CNTNAP2: variants seen among roughly 807,000 people sequenced by gnomAD.
The protein encoded by CNTNAP2 is contactin associated protein 2.
In CNTNAP2, 98 loss-of-function variants were observed where a neutral mutation model predicts 155.2. The ratio of observed to expected loss-of-function variants is 0.63; its 90% CI spans 0.54 to 0.75. CNTNAP2 has a LOEUF of 0.75. CNTNAP2 is among the 30% of genes least tolerant of loss of function. The probability of loss-of-function intolerance (pLI) is 0.00; values close to 1 mark genes in which losing one functional copy is unlikely to be tolerated. For missense variants in CNTNAP2, 1,727 were observed against 1,688.1 expected, an observed-to-expected ratio of 1.02 and a Z score of -0.40; for synonymous variants, 651 against 631.2, an observed-to-expected ratio of 1.03 and a Z score of -0.47.
intron 1 of CNTNAP2, among the ~76,000 whole-genome samples, chr7:146,152,450 T>A (rs969268487): frequency 7.9e-5 from 12 of 152,070 alleles, no homozygotes. Context: ...AGGGGTCTAT[T>A]GTACAACGTG....
At chr7:147,479,660 G>C (rs983591845) in intron 10 of CNTNAP2, among the ~76,000 whole-genome samples, 6 of 151,288 alleles carry the variant, frequency 4.0e-5, no homozygotes, top group Admixed American at 6.6e-5. Flanking sequence ...TTAAAAGGCA[G>C]AAAACCCAAG....
intron 22 of CNTNAP2, among the ~76,000 whole-genome samples, chr7:148,393,125 T>A (rs1799389631): frequency 6.6e-6 from 1 of 151,820 alleles, no homozygotes; most frequent in Admixed American, 6.6e-5. Context: ...ATTACATATA[T>A]CATCTATTCT....
chr7:146,909,993 A>T (rs1327222018), intron 3 of CNTNAP2, among the ~76,000 whole-genome samples: 1 of 65,480 alleles, frequency 1.5e-5, no homozygotes, highest in East Asian at 2.9e-4. Context: ...AATCACAAGC[A>T]TTCTTATACA....
intron 21 of CNTNAP2, among the ~76,000 whole-genome samples, chr7:148,326,696 C>A (rs1465831466): frequency 6.6e-6 from 1 of 151,806 alleles, no homozygotes; most frequent in Non-Finnish European, 1.5e-5. Context: ...GAAACCCCGT[C>A]TCTACTAAAA....
intron 13 of CNTNAP2, among the ~76,000 whole-genome samples, chr7:147,782,725 G>A (rs544301745): frequency 6.6e-6 from 1 of 152,218 alleles, no homozygotes; most frequent in Admixed American, 6.5e-5. Context: ...CAAAAATTTA[G>A]ACCACAGCAG....
At chr7:147,041,106 T>C (rs1799251678) in intron 3 of CNTNAP2, among the ~76,000 whole-genome samples, 2 of 152,224 alleles carry the variant, frequency 1.3e-5, no homozygotes, top group African/African-American at 2.4e-5. Flanking sequence ...ATGGCTTTTA[T>C]TGTTATTTCT....
intron 1 of CNTNAP2, among the ~76,000 whole-genome samples, chr7:146,339,083 G>C (rs1350602090): frequency 1.3e-5 from 2 of 152,116 alleles, no homozygotes; most frequent in Non-Finnish European, 2.9e-5. Context: ...TACTTGGGAG[G>C]CTGAGGCAGG....
At chr7:147,383,151 T>C (rs957815091) in intron 9 of CNTNAP2, among the ~76,000 whole-genome samples, 1 of 152,134 alleles carries the variant, frequency 6.6e-6, no homozygotes, top group African/African-American at 2.4e-5. Flanking sequence ...TCAGTTCTCT[T>C]ATCAGAAAGG....
At chr7:146,923,149 G>A (rs1460268664) in intron 3 of CNTNAP2, among the ~76,000 whole-genome samples, 1 of 152,100 alleles carries the variant, frequency 6.6e-6, no homozygotes, top group Non-Finnish European at 1.5e-5. Context: ...TGTGTTTTAG[G>A]AATAATAAAA....
At chr7:146,771,638 G>T (rs1039686060) in intron 1 of CNTNAP2, among the ~76,000 whole-genome samples, 1 of 152,062 alleles carries the variant, frequency 6.6e-6, no homozygotes, top group Non-Finnish European at 1.5e-5. Flanking sequence ...ACAGAGGCAC[G>T]CAGTATAACT....
chr7:147,773,056 A>T (rs1276961100), intron 13 of CNTNAP2, among the ~76,000 whole-genome samples: 1 of 152,204 alleles, frequency 6.6e-6, no homozygotes, highest in Non-Finnish European at 1.5e-5. Context: ...TAAGAAAGTT[A>T]TATCTTAATC....
At chr7:146,744,810 T>C (rs537403165) in intron 1 of CNTNAP2, among the ~76,000 whole-genome samples, 1 of 152,230 alleles carries the variant, frequency 6.6e-6, no homozygotes, top group Non-Finnish European at 1.5e-5. Flanking sequence ...ACAAGTATGA[T>C]TTTCCACAAA....
intron 1 of CNTNAP2, among the ~76,000 whole-genome samples, chr7:146,582,257 G>A (rs73468473): frequency 0.031 from 4,738 of 152,064 alleles, 246 homozygotes; most frequent in African/African-American, 0.11. Context: ...TGTTTTTGTC[G>A]TTTGCATGCA....
At chr7:146,726,162 G>A (rs1024725778) in intron 1 of CNTNAP2, among the ~76,000 whole-genome samples, 1 of 152,126 alleles carries the variant, frequency 6.6e-6, no homozygotes, top group Non-Finnish European at 1.5e-5. Context: ...TCTCTACAGT[G>A]TATCATTGGT....
chr7:148,128,165 G>A (rs530792528), intron 16 of CNTNAP2, among the ~76,000 whole-genome samples: 1 of 152,098 alleles, frequency 6.6e-6, no homozygotes, highest in African/African-American at 2.4e-5. Context: ...CACCATGCCG[G>A]GCCTCTGGAT....
chr7:146,953,068 A>G (rs943554553), intron 3 of CNTNAP2, among the ~76,000 whole-genome samples: 1 of 152,106 alleles, frequency 6.6e-6, no homozygotes, highest in African/African-American at 2.4e-5. Flanking sequence ...TGAACAGATC[A>G]TAGAATATTC....
chr7:147,727,807 C>G, intron 13 of CNTNAP2, among the ~76,000 whole-genome samples: 1 of 146,070 alleles, frequency 6.8e-6, no homozygotes, highest in East Asian at 2.0e-4. Flanking sequence ...CCAAATAAAT[C>G]AACATTATTT....
Position 148,118,060 on chromosome 7 carries a change from A to T in CNTNAP2, c.2384-58A>T, listed in dbSNP as rs1804513872. ...TAAACTCAAGCAATGGGTATCTGTTACATGACTAGGCTGATCAGGGTGTGA... is the reference window on the plus strand; with the variant it reads ...TAAACTCAAGCAATGGGTATCTGTTTCATGACTAGGCTGATCAGGGTGTGA... On this transcript the variant is annotated intron_variant, in intron 15 of 23. Coordinates refer to ENST00000361727, the MANE Select transcript of CNTNAP2 (RefSeq NM_014141.6). 7 of 1,578,560 alleles carry T rather than the reference A, an allele frequency of 4.4e-6. No individual in the cohort carries two copies. The South Asian group carries it at 7.7e-5, about 17-fold the overall frequency.
At chr7:146,340,188 A>G (rs1407230994) in intron 1 of CNTNAP2, among the ~76,000 whole-genome samples, 4 of 149,638 alleles carry the variant, frequency 2.7e-5, no homozygotes, top group Non-Finnish European at 4.4e-5. Flanking sequence ...AAAAAAAAAA[A>G]AAAGAAATAC....
Sources: allele counts gnomAD v4.1 joint callset (sites outside exome capture counted in the v4.1 genomes callset), GRCh38; gene constraint gnomAD v4.1.1; transcripts MANE v1.5; gene names NCBI Gene and HGNC (gene_info 2026-07-23, HGNC 2026-07-21).